Variants in NEGR1 observed in about 807,000 individuals in gnomAD.
The protein encoded by NEGR1 is neuronal growth regulator 1.
A neutral mutation model predicts 40.9 loss-of-function variants in NEGR1; 10 were observed. The observed-to-expected ratio is 0.24, with a 90% CI of 0.15 to 0.42. The LOEUF (loss-of-function observed/expected upper bound fraction) is 0.42. Among genes scored for constraint, NEGR1 ranks in the 10% least tolerant of loss-of-function variants. The pLI, the probability that NEGR1 is intolerant of heterozygous loss-of-function variation, is 1.00. For missense variants in NEGR1, 352 were observed against 438.9 expected, an observed-to-expected ratio of 0.80 and a Z score of 1.77; for synonymous variants, 185 against 166.8, an observed-to-expected ratio of 1.11 and a Z score of -0.84.
chr1:72,267,374 G>A (rs1655682215), intron 1 of NEGR1, among the ~76,000 whole-genome samples: 1 of 151,020 alleles, frequency 6.6e-6, no homozygotes, highest in Non-Finnish European at 1.5e-5. Flanking sequence ...AAGGTGAACA[G>A]GAATTTTAAT....
At chr1:71,615,659 G>A (rs914882087) in intron 4 of NEGR1, among the ~76,000 whole-genome samples, 2 of 152,166 alleles carry the variant, frequency 1.3e-5, no homozygotes, top group African/African-American at 4.8e-5. Context: ...GGGGCAGGGG[G>A]CTGGAGCCCA....
chr1:72,059,116 C>G (rs756045528), intron 1 of NEGR1, among the ~76,000 whole-genome samples: 1 of 151,614 alleles, frequency 6.6e-6, no homozygotes, highest in Non-Finnish European at 1.5e-5. Context: ...TGTTGCTTTT[C>G]TCTTACTTTC....
chr1:71,879,866 T>C (rs1660534810), intron 2 of NEGR1, among the ~76,000 whole-genome samples: 1 of 152,162 alleles, frequency 6.6e-6, no homozygotes, highest in South Asian at 2.1e-4. Context: ...ACCCTTCTGA[T>C]GGCCCAATTT....
intron 1 of NEGR1, among the ~76,000 whole-genome samples, chr1:72,015,274 T>G (rs943659021): frequency 6.6e-6 from 1 of 152,120 alleles, no homozygotes; most frequent in Non-Finnish European, 1.5e-5. Flanking sequence ...ATAAATGAAA[T>G]TGGTTATTCA....
chr1:71,690,564 TAACA>T (rs1399106618), intron 4 of NEGR1, among the ~76,000 whole-genome samples: 1 of 101,320 alleles, frequency 9.9e-6, no homozygotes, highest in Non-Finnish European at 2.0e-5. Flanking sequence ...ATAAGTTATA[TAACA>T]CACACACACA....
chr1:72,274,975 A>C, intron 1 of NEGR1: 1 of 1,527,882 alleles, frequency 6.5e-7, no homozygotes, highest in South Asian at 1.1e-5. Context: ...AGGGAAGTAC[A>C]TTGCCATAGT....
intron 5 of NEGR1, among the ~76,000 whole-genome samples, chr1:71,609,216 G>A (rs982393320): frequency 6.6e-6 from 1 of 151,934 alleles, no homozygotes; most frequent in Non-Finnish European, 1.5e-5. Context: ...AAACCAGTCA[G>A]AAGAAATGAG....
chr1:72,198,063 T>C (rs1653063352), intron 1 of NEGR1, among the ~76,000 whole-genome samples: 1 of 152,012 alleles, frequency 6.6e-6, no homozygotes, highest in Non-Finnish European at 1.5e-5. Flanking sequence ...GATCTATAAT[T>C]GGTGGGAGAA....
At chr1:72,057,576 T>C (rs951530619) in intron 1 of NEGR1, among the ~76,000 whole-genome samples, 16 of 151,528 alleles carry the variant, frequency 1.1e-4, no homozygotes, top group African/African-American at 3.6e-4. Flanking sequence ...GCATGAGACA[T>C]CTTTCTCAGT....
At chr1:71,593,093 T>C in intron 5 of NEGR1, 125 bp from the exon 6 acceptor site, 2 of 555,784 alleles carry the variant, frequency 3.6e-6, no homozygotes, top group Non-Finnish European at 6.5e-6. Context: ...GCATATAACG[T>C]GATAATGGTG....
chr1:71,716,434 A>C (rs1396831882), intron 3 of NEGR1, among the ~76,000 whole-genome samples: 3 of 152,128 alleles, frequency 2.0e-5, no homozygotes, highest in Non-Finnish European at 4.4e-5. Context: ...AATGGGGTAG[A>C]ATGTAGAAAG....
intron 2 of NEGR1, among the ~76,000 whole-genome samples, chr1:71,794,908 T>C (rs1657264779): frequency 6.6e-6 from 1 of 151,990 alleles, no homozygotes; most frequent in Non-Finnish European, 1.5e-5. Flanking sequence ...AAAGGTCTAC[T>C]AATAGAAAAA....
intron 4 of NEGR1, among the ~76,000 whole-genome samples, chr1:71,627,392 G>A (rs140931608): frequency 3.3e-4 from 50 of 151,958 alleles, no homozygotes; most frequent in East Asian, 1.7e-3. Flanking sequence ...TCTGGGCATC[G>A]GAGTTCTAGA....
At chr1:72,059,287 G>A (rs1275347683) in intron 1 of NEGR1, among the ~76,000 whole-genome samples, 2 of 150,878 alleles carry the variant, frequency 1.3e-5, no homozygotes, top group Non-Finnish European at 3.0e-5. Flanking sequence ...AGTTCTGTGT[G>A]TAATCCAAGT....
At chr1:71,900,068 T>C (rs145096533) in intron 2 of NEGR1, among the ~76,000 whole-genome samples, 98 of 152,306 alleles carry the variant, frequency 6.4e-4, no homozygotes, top group African/African-American at 2.0e-3. Flanking sequence ...TCCATTTCTC[T>C]ACCTCCAGCC....
intron 2 of NEGR1, among the ~76,000 whole-genome samples, chr1:71,916,129 G>T (rs1221922959): frequency 1.3e-5 from 2 of 151,972 alleles, no homozygotes; most frequent in Non-Finnish European, 2.9e-5. Context: ...AGGGAGTGGG[G>T]GTTTCCCTGC....
At chr1:71,861,708 T>C (rs1243530437) in intron 2 of NEGR1, among the ~76,000 whole-genome samples, 1 of 152,108 alleles carries the variant, frequency 6.6e-6, no homozygotes, top group African/African-American at 2.4e-5. Context: ...TTTTGGATTA[T>C]TACAGGGGAG....
In NEGR1 at chr1:72,099,091, A is replaced by G. The variant is rs182296220; in HGVS notation, c.177-163780T>C. On this transcript the variant is annotated intron_variant, in intron 1 of 6. Transcript: ENST00000357731. ...CAAATTTTATTAACATTTATTCTGA[A>G]TAAGAAAATTCATAATTATTAGAGA... 6.2e-3 allele frequency among the ~76,000 whole-genome samples: 940 copies of G among 152,000 alleles called. 10 individuals are homozygous for G. Among genetic ancestry groups the G allele is most frequent in the African/African-American group, 0.022 (895 of 41,540 alleles).
intron 1 of NEGR1, among the ~76,000 whole-genome samples, chr1:72,073,669 A>T (rs1647577149): frequency 6.6e-6 from 1 of 152,148 alleles, no homozygotes; most frequent in Non-Finnish European, 1.5e-5. Context: ...ACAGTGTTCA[A>T]ATAAACCAGC....
Sources: allele counts gnomAD v4.1 joint callset (sites outside exome capture counted in the v4.1 genomes callset), GRCh38; gene constraint gnomAD v4.1.1; transcripts MANE v1.5; gene names NCBI Gene and HGNC (gene_info 2026-07-23, HGNC 2026-07-21).